SPTLC3: variants seen among roughly 807,000 people sequenced by gnomAD.
SPTLC3 encodes serine palmitoyltransferase 3.
A neutral mutation model predicts 59.3 loss-of-function variants in SPTLC3; 36 were observed. The observed-to-expected ratio is 0.61, with a 90% confidence interval of 0.47 to 0.80. The LOEUF is 0.80. Among genes scored for constraint, SPTLC3 ranks in the 30% least tolerant of loss-of-function variants. SPTLC3 has a pLI of 0.00. For missense variants in SPTLC3, 625 were observed against 685.1 expected (o/e 0.91, Z 0.98); for synonymous variants, 257 against 240.8 (o/e 1.07, Z -0.62).
chr20:13,093,788 A>T (rs1024805187), intron 6 of SPTLC3, among the ~76,000 whole-genome samples: 2 of 152,170 alleles, frequency 1.3e-5, no homozygotes, highest in African/African-American at 4.8e-5. Flanking sequence ...GTGTAACCCA[A>T]ACACATTAAT....
intron 10 of SPTLC3, among the ~76,000 whole-genome samples, chr20:13,155,097 C>T (rs2038737005): frequency 6.6e-6 from 1 of 151,928 alleles, no homozygotes; most frequent in Non-Finnish European, 1.5e-5. Flanking sequence ...AGGAGGATCA[C>T]TTGACACCAG....
intron 2 of SPTLC3, among the ~76,000 whole-genome samples, chr20:13,069,053 T>C (rs1988340082): frequency 6.6e-6 from 1 of 152,194 alleles, no homozygotes; most frequent in Admixed American, 6.5e-5. Context: ...TGCATCTTCA[T>C]GTGGCATGGG....
At chr20:13,141,493 T>C (rs570696573) in intron 9 of SPTLC3, among the ~76,000 whole-genome samples, 2 of 152,292 alleles carry the variant, frequency 1.3e-5, no homozygotes, top group African/African-American at 4.8e-5. Context: ...CAGCCTTTTT[T>C]CTCTCCATCC....
At chr20:13,066,488 A>G (rs1988217273) in intron 2 of SPTLC3, among the ~76,000 whole-genome samples, 1 of 152,212 alleles carries the variant, frequency 6.6e-6, no homozygotes, top group Admixed American at 6.5e-5. Flanking sequence ...TTTCAAAATC[A>G]GGTAGTGCAT....
intron 8 of SPTLC3, among the ~76,000 whole-genome samples, chr20:13,120,461 T>A (rs183772774): frequency 2.8e-4 from 43 of 152,288 alleles, no homozygotes; most frequent in Middle Eastern, 6.8e-3. Flanking sequence ...ACCCTGAAAT[T>A]TGAAAATAAT....
intron 1 of SPTLC3, among the ~76,000 whole-genome samples, chr20:13,035,200 T>C (rs1345436953): frequency 6.6e-6 from 1 of 152,178 alleles, no homozygotes; most frequent in East Asian, 1.9e-4. Flanking sequence ...GTTGGTAACA[T>C]GGACACTCAA....
intron 9 of SPTLC3, among the ~76,000 whole-genome samples, chr20:13,137,370 G>A (rs2038272217): frequency 6.6e-6 from 1 of 152,160 alleles, no homozygotes. Context: ...CTAATGGGAT[G>A]CTCCTCTTTT....
rs2039006247 is a variant in SPTLC3, at chr20:13,168,098, A to T, written c.*3231A>T. On this transcript the variant is annotated 3_prime_UTR_variant, in exon 12 of 12. Coordinates refer to ENST00000399002, the MANE Select transcript of SPTLC3 (RefSeq NM_018327.4). Reference sequence around the variant, plus strand: ...ACCATCTGCGATTCATTTGGGTAAAATTATGCCTTCTTCAGTTTTCTGTAT... The same window carrying T: ...ACCATCTGCGATTCATTTGGGTAAATTTATGCCTTCTTCAGTTTTCTGTAT... 6.6e-6 allele frequency: 1 copy of T among 151,994 alleles called. No individual in the cohort carries two copies. The highest frequency in any genetic ancestry group is 1.5e-5 in the Non-Finnish European group (1 of 67,998). 9.4% of individuals were successfully genotyped at this position (151,994 alleles called of 1,614,324 possible).
In SPTLC3 at chr20:13,117,082, C is replaced by T. The variant is rs554613786; in HGVS notation, c.933-424C>T. Among the ~76,000 whole-genome samples, 20 of 152,300 alleles carry T rather than the reference C, an allele frequency of 1.3e-4. No individual in the cohort carries two copies. In the South Asian group the frequency reaches 1.7e-3, roughly 13 times the overall value. ...CTTTTAATCTATGGCAATTCAAGCACCAAATTTAAGTCAAACAGACCTGGC... is the reference window on the plus strand; with the variant it reads ...CTTTTAATCTATGGCAATTCAAGCATCAAATTTAAGTCAAACAGACCTGGC... On this transcript the variant is annotated intron_variant, in intron 7 of 11. Coordinates refer to ENST00000399002, the MANE Select transcript of SPTLC3 (RefSeq NM_018327.4).
chr20:13,017,110 G>A (rs1035338310), intron 1 of SPTLC3, among the ~76,000 whole-genome samples: 1 of 152,130 alleles, frequency 6.6e-6, no homozygotes, highest in Non-Finnish European at 1.5e-5. Context: ...CAGAGAGAAG[G>A]GGCCAGCAGA....
At chr20:13,012,602 A>G (rs1985313986) in intron 1 of SPTLC3, among the ~76,000 whole-genome samples, 1 of 152,328 alleles carries the variant, frequency 6.6e-6, no homozygotes, top group East Asian at 1.9e-4. Context: ...CAAAAATAAT[A>G]ATAAATATCA....
At chr20:13,161,719 G>A (rs984204421) in intron 11 of SPTLC3, among the ~76,000 whole-genome samples, 67 of 152,112 alleles carry the variant, frequency 4.4e-4, no homozygotes, top group African/African-American at 1.6e-3. Context: ...GGAACTTGAT[G>A]TTCCATAGAG....
At chr20:13,097,297 G>A (rs912636700) in intron 6 of SPTLC3, among the ~76,000 whole-genome samples, 2 of 151,936 alleles carry the variant, frequency 1.3e-5, no homozygotes, top group African/African-American at 4.8e-5. Flanking sequence ...AGCATGACCT[G>A]AACAATCATG....
At chr20:13,129,632 AT>A (rs2122814575) in intron 9 of SPTLC3, among the ~76,000 whole-genome samples, 2 of 152,370 alleles carry the variant, frequency 1.3e-5, no homozygotes, top group South Asian at 4.1e-4. Context: ...TTTGGTCTAT[AT>A]GTCATCCGAA....
chr20:13,047,067 G>A (rs1281363672), intron 1 of SPTLC3, among the ~76,000 whole-genome samples: 1 of 152,104 alleles, frequency 6.6e-6, no homozygotes, highest in Non-Finnish European at 1.5e-5. Context: ...ATAATATTTT[G>A]TGATGTTTTG....
At chr20:13,087,261 T>C (rs1047965362) in intron 4 of SPTLC3, among the ~76,000 whole-genome samples, 2 of 152,246 alleles carry the variant, frequency 1.3e-5, no homozygotes, top group African/African-American at 4.8e-5. Flanking sequence ...TTGTTGTAGA[T>C]ACGCTCCTGA....
At chr20:13,103,816 T>C (rs1989719948) in intron 6 of SPTLC3, among the ~76,000 whole-genome samples, 1 of 152,220 alleles carries the variant, frequency 6.6e-6, no homozygotes, top group African/African-American at 2.4e-5. Context: ...AGCCCTGATG[T>C]ATGCAACAGT....
chr20:13,034,788 A>G (rs1184387751), intron 1 of SPTLC3, among the ~76,000 whole-genome samples: 1 of 151,124 alleles, frequency 6.6e-6, no homozygotes, highest in Non-Finnish European at 1.5e-5. Flanking sequence ...TTTGTTATTC[A>G]CCAAAAAAAA....
chr20:13,046,115 C>T (rs1361464226), intron 1 of SPTLC3, among the ~76,000 whole-genome samples: 1 of 152,166 alleles, frequency 6.6e-6, no homozygotes, highest in Admixed American at 6.6e-5. Flanking sequence ...ACTGGGTTCC[C>T]TTTATTCACC....
Sources: gnomAD v4.1 joint callset for allele counts (sites outside exome capture counted in the v4.1 genomes callset) on GRCh38, gnomAD v4.1.1 for gene constraint, MANE v1.5 for transcripts, NCBI Gene and HGNC (gene_info 2026-07-23, HGNC 2026-07-21) for gene names.